The following RPS6KA2 variants were observed in gnomAD, a reference collection of about 807,000 sequenced individuals.
The protein encoded by RPS6KA2 is ribosomal protein S6 kinase A2.
Under a neutral mutation model 91.8 loss-of-function variants are expected in RPS6KA2, and 42 were observed. The observed-to-expected ratio is 0.46, with a 90% CI of 0.36 to 0.59. The LOEUF is 0.59. Among genes scored for constraint, RPS6KA2 ranks in the 20% least tolerant of loss-of-function variants. RPS6KA2 has a pLI of 0.00. For missense variants in RPS6KA2, 798 were observed against 978.5 expected, an observed-to-expected ratio of 0.82 and a Z score of 2.46; for synonymous variants, 414 against 393.6, an observed-to-expected ratio of 1.05 and a Z score of -0.61.
intron 2 of RPS6KA2, among the ~76,000 whole-genome samples, chr6:166,783,201 G>C (rs1041579675): frequency 2.6e-5 from 4 of 151,418 alleles, no homozygotes; most frequent in African/African-American, 9.7e-5. Context: ...CAATCCTCCC[G>C]CCTCAGCCTT....
intron 1 of RPS6KA2, among the ~76,000 whole-genome samples, chr6:166,551,242 T>G (rs1424280040): frequency 6.6e-6 from 1 of 152,234 alleles, no homozygotes. Context: ...GAAGGTTCAA[T>G]GTGAATGGTA....
chr6:166,540,215 A>G (rs1436498067), intron 1 of RPS6KA2, among the ~76,000 whole-genome samples: 1 of 152,246 alleles, frequency 6.6e-6, no homozygotes, highest in Non-Finnish European at 1.5e-5. Context: ...AATAACGTAC[A>G]TGACGATGTT....
chr6:166,558,714 G>A (rs1270495084), intron 1 of RPS6KA2, among the ~76,000 whole-genome samples: 1 of 152,178 alleles, frequency 6.6e-6, no homozygotes, highest in Non-Finnish European at 1.5e-5. Flanking sequence ...TTCCAGGAAA[G>A]TGGCAAACCG....
At position 166,459,917 on chromosome 6, in the gene RPS6KA2, C is replaced by T. The variant is rs912066113; in HGVS notation, c.973-366G>A. 6.6e-6 allele frequency among the ~76,000 whole-genome samples: 1 copy of T among 152,202 alleles called. No individual in the cohort carries two copies. Among genetic ancestry groups the T allele is most frequent in the Admixed American group, 6.5e-5 (1 of 15,290 alleles). ...TCCAAGTAAAATCATACAGGACAGC[C>T]ACCACTTGCCCCCACTGGGGACAGC... On this transcript the variant is annotated intron_variant, in intron 11 of 20. Coordinates refer to ENST00000265678, the MANE Select transcript of RPS6KA2 (RefSeq NM_021135.6). This position sits in a 1 kb window ranked among gnomAD's most constrained non-coding sequence, Gnocchi z 4.9.
At chr6:166,454,371 G>A (rs949186188) in intron 12 of RPS6KA2, among the ~76,000 whole-genome samples, 9 of 152,038 alleles carry the variant, frequency 5.9e-5, no homozygotes, top group East Asian at 1.9e-4. Flanking sequence ...GGTGGCGCAC[G>A]CCTGTAATCC....
chr6:166,844,663 G>A (rs1583173674), intron 2 of RPS6KA2, among the ~76,000 whole-genome samples: 1 of 152,122 alleles, frequency 6.6e-6, no homozygotes, highest in East Asian at 1.9e-4. Flanking sequence ...TTTGTATCCA[G>A]TGAAACTAAA....
intron 12 of RPS6KA2, among the ~76,000 whole-genome samples, chr6:166,453,559 G>A (rs12191994): frequency 0.23 from 35,612 of 152,118 alleles, 4,657 homozygotes; most frequent in Middle Eastern, 0.35. Flanking sequence ...TTACTAAAAA[G>A]TCAAAAAAAT....
At position 166,662,568 on chromosome 6, in the gene RPS6KA2, G is replaced by T. The variant is rs1788191585; in HGVS notation, c.124-123784C>A. Among the ~76,000 whole-genome samples, 1 of 152,160 alleles carries T rather than the reference G, an allele frequency of 6.6e-6. No individual in the cohort carries two copies. Among genetic ancestry groups the T allele is most frequent in the South Asian group, 2.1e-4 (1 of 4,832 alleles). On this transcript the variant is annotated intron_variant, in intron 2 of 21. Coordinates refer to the RPS6KA2 transcript ENST00000503859. This position sits in a 1 kb window ranked among gnomAD's most constrained non-coding sequence, Gnocchi z 4.3. ...TATGAACACCAGTTAGTTTGCACCA[G>T]TTCCAGGAAAGAGATTCAATATGAA... is the stretch of plus-strand genomic sequence containing the variant.
intron 5 of RPS6KA2, among the ~76,000 whole-genome samples, chr6:166,506,654 C>G (rs1181850783): frequency 1.3e-5 from 2 of 152,182 alleles, no homozygotes; most frequent in Non-Finnish European, 2.9e-5. Flanking sequence ...GACTGCTGGA[C>G]GCAGAGGGAC....
intron 2 of RPS6KA2, among the ~76,000 whole-genome samples, chr6:166,759,384 C>T (rs564578534): frequency 3.3e-5 from 5 of 152,316 alleles, no homozygotes; most frequent in South Asian, 2.1e-4. Context: ...GAATAGAGCA[C>T]GGTTTGTTCA....
At chr6:166,431,363 C>T (rs940126391) in intron 15 of RPS6KA2, among the ~76,000 whole-genome samples, 1 of 152,208 alleles carries the variant, frequency 6.6e-6, no homozygotes, top group Admixed American at 6.5e-5. Flanking sequence ...AATGCATGTT[C>T]TGGTCCTGCA....
At chr6:166,580,620 T>C (rs1215471240) in intron 1 of RPS6KA2, among the ~76,000 whole-genome samples, 1 of 152,178 alleles carries the variant, frequency 6.6e-6, no homozygotes, top group African/African-American at 2.4e-5. Flanking sequence ...TGTCATTGTA[T>C]GTGATCAAAC....
At chr6:166,574,495 C>CT (rs1283544883) in intron 1 of RPS6KA2, among the ~76,000 whole-genome samples, 1 of 152,210 alleles carries the variant, frequency 6.6e-6, no homozygotes, top group African/African-American at 2.4e-5. Context: ...TGATTTCATT[C>CT]TTTTTATGGC....
chr6:166,708,157 A>G (rs1331980785), intron 2 of RPS6KA2, among the ~76,000 whole-genome samples: 1 of 152,186 alleles, frequency 6.6e-6, no homozygotes, highest in African/African-American at 2.4e-5. Context: ...TGTGTTTTTT[A>G]TTGGATCTAG....
intron 1 of RPS6KA2, among the ~76,000 whole-genome samples, chr6:166,577,186 G>T (rs536760775): frequency 6.6e-6 from 1 of 152,340 alleles, no homozygotes; most frequent in East Asian, 1.9e-4. Context: ...TGCTGCAGGG[G>T]CGGGGCCCTC....
At chr6:166,718,313 G>A (rs1403311904) in intron 2 of RPS6KA2, among the ~76,000 whole-genome samples, 1 of 152,190 alleles carries the variant, frequency 6.6e-6, no homozygotes, top group Non-Finnish European at 1.5e-5. Context: ...GCTGGCATGG[G>A]GGGAGGTTAG....
At chr6:166,513,791 C>A (rs6921054) in intron 3 of RPS6KA2, among the ~76,000 whole-genome samples, 13,521 of 152,220 alleles carry the variant, frequency 0.089, 2,060 homozygotes, top group African/African-American at 0.31. Context: ...GTTCAGAAGC[C>A]AGGATAGCGC....
intron 10 of RPS6KA2, among the ~76,000 whole-genome samples, chr6:166,471,100 G>A (rs145187192): frequency 8.5e-5 from 13 of 152,288 alleles, no homozygotes; most frequent in African/African-American, 2.4e-4. Context: ...AACTCCTAAC[G>A]GCTGTGCTCC....
intron 2 of RPS6KA2, among the ~76,000 whole-genome samples, chr6:166,832,308 T>TG (rs1562462438): frequency 1.3e-5 from 2 of 152,144 alleles, no homozygotes; most frequent in Admixed American, 6.5e-5. Flanking sequence ...CTGAGGAAGT[T>TG]GGGGGGGAAG....
Sources: allele counts gnomAD v4.1 joint callset (sites outside exome capture counted in the v4.1 genomes callset), GRCh38; gene constraint gnomAD v4.1.1; non-coding constraint Gnocchi (gnomAD v3.1); transcripts MANE v1.5; gene names NCBI Gene and HGNC (gene_info 2026-07-23, HGNC 2026-07-21).